The following POU2F2 variants were observed in gnomAD, a reference collection of about 807,000 sequenced individuals.
The protein encoded by POU2F2 is POU class 2 homeobox 2.
Under a neutral mutation model 63.5 loss-of-function variants are expected in POU2F2, and 14 were observed. That is an observed-to-expected ratio of 0.22 (90% CI 0.15 to 0.34). The LOEUF (loss-of-function observed/expected upper bound fraction) is 0.34. POU2F2 is among the 10% of genes least tolerant of loss of function. The pLI is 1.00. For synonymous variants in POU2F2, 306 were observed against 348.6 expected, an observed-to-expected ratio of 0.88 and a Z score of 1.36; for missense variants, 607 against 815.2, an observed-to-expected ratio of 0.74 and a Z score of 3.11.
At position 42,096,965 on chromosome 19, in the gene POU2F2, T is replaced by A. The variant is rs2076943532; in HGVS notation, c.568-722A>T. ...CTAAAACAGCTCTTAAGAAATTAAGTCCTAAGCAATGAGTAGATTGCAAAT... is the reference window on the plus strand; with the variant it reads ...CTAAAACAGCTCTTAAGAAATTAAGACCTAAGCAATGAGTAGATTGCAAAT... On this transcript the variant is annotated intron_variant, in intron 7 of 14. Coordinates refer to ENST00000692977, the MANE Select transcript of POU2F2 (RefSeq NM_001394376.1). The surrounding 1 kb of genome is among the most constrained non-coding windows in gnomAD (Gnocchi z 4.1). Among the ~76,000 whole-genome samples, 1 of 150,966 alleles carries A rather than the reference T, an allele frequency of 6.6e-6. No homozygotes were observed. Among genetic ancestry groups the A allele is most frequent in the African/African-American group, 2.4e-5 (1 of 40,948 alleles).
intron 1 of POU2F2, among the ~76,000 whole-genome samples, chr19:42,164,953 C>CA (rs34319750): frequency 0.034 from 4,143 of 120,252 alleles, 60 homozygotes; most frequent in Non-Finnish European, 0.049. Context: ...CAGGCTATCT[C>CA]AAAAAAAAAA....
At chr19:42,195,055 G>GAGGA (rs2035121181) in intron 1 of POU2F2, among the ~76,000 whole-genome samples, 1 of 24,832 alleles carries the variant, frequency 4.0e-5, no homozygotes, top group Non-Finnish European at 7.8e-5. Context: ...GGAAGGAAGG[G>GAGGA]AGGGAGGGAG....
At chr19:42,136,755 C>T (rs1001333101), upstream of POU2F2, 1 of 152,374 alleles carries the variant, frequency 6.6e-6, no homozygotes, top group Non-Finnish European at 1.5e-5. Flanking sequence ...CAGCAACAGC[C>T]AGCCACTCCT....
At chr19:42,132,360 T>C in intron 1 of POU2F2, 24 bp downstream of exon 1, 2 of 1,579,278 alleles carry the variant, frequency 1.3e-6, no homozygotes, top group Non-Finnish European at 8.6e-7. Flanking sequence ...CTCTGAGCAG[T>C]GGCACAGGCA....
At chr19:42,107,436 C>T (rs959938990) in intron 5 of POU2F2, among the ~76,000 whole-genome samples, 4 of 151,508 alleles carry the variant, frequency 2.6e-5, no homozygotes, top group African/African-American at 9.7e-5. Flanking sequence ...TTATGGGTTT[C>T]TTTATTAGCA....
chr19:42,135,859 C>G (rs962717087), upstream of POU2F2, among the ~76,000 whole-genome samples: 2 of 152,024 alleles, frequency 1.3e-5, no homozygotes, highest in African/African-American at 4.8e-5. Context: ...TACAGGTGCA[C>G]ACCACCAGGC....
At position 42,092,170 on chromosome 19, in the gene POU2F2, G is replaced by A. The variant is rs749191170; in HGVS notation, c.1365C>T (p.Pro455=). 2.5e-6 allele frequency: 4 copies of A among 1,581,510 alleles called. No individual in the cohort carries two copies. The Admixed American group carries it at 5.6e-5, about 22-fold the overall frequency. Residue 455 remains proline (P), a synonymous_variant, in exon 13 of 15, where the codon CCC becomes CCT. Transcript: ENST00000692977. The surrounding 1 kb of genome is among the most constrained non-coding windows in gnomAD (Gnocchi z 5.0). The stretch of plus-strand genomic sequence containing the variant: ...TGGCCGGGGGTGGGGGAGTGACAGA[G>A]GGGATGGAATTGAGGGGGGGCGCAG... ...GGAAPPLNSI[P]SVTPPPPATT...
chr19:42,159,140 G>A (rs892775930), intron 2 of POU2F2, among the ~76,000 whole-genome samples: 1 of 152,156 alleles, frequency 6.6e-6, no homozygotes, highest in Non-Finnish European at 1.5e-5. Context: ...TTTGGACCAC[G>A]AGGAGATTTT....
chr19:42,128,131 G>A (rs1317510438), intron 1 of POU2F2, among the ~76,000 whole-genome samples: 1 of 152,202 alleles, frequency 6.6e-6, no homozygotes, highest in East Asian at 1.9e-4. Flanking sequence ...ATCCTGGGCA[G>A]AGACCTCCAC....
rs771128774 is a variant in POU2F2 at position 42,117,501 on chromosome 19, G to A, written c.187-69C>T. 1 of 700,582 alleles carries A rather than the reference G, an allele frequency of 1.4e-6. No individual in the cohort carries two copies. The allele number at this position is 700,582 out of a possible 1,614,324, so 43.4% of individuals were successfully genotyped here. A position where few individuals can be genotyped will look rare whatever the true frequency, so the allele number is the denominator to read the frequency against. On this transcript the variant is annotated intron_variant, in intron 4 of 14. Transcript: ENST00000692977. The surrounding 1 kb of genome is among the most constrained non-coding windows in gnomAD (Gnocchi z 4.4). ...GCTGGCACAGGAGGAGCAGACTGGG[G>A]TGTGGACATGAGGGTGCAGTCTGTG...
Position 42,096,002 on chromosome 19 carries a change from C to A in POU2F2, c.730-73G>T. The A allele has an allele frequency of 6.3e-7, 1 of 1,594,820 alleles. No individual in the cohort carries two copies. The highest frequency in any genetic ancestry group is 1.1e-5 in the South Asian group (1 of 89,010). On this transcript the variant is annotated intron_variant, in intron 8 of 14. Coordinates refer to ENST00000692977, the MANE Select transcript of POU2F2 (RefSeq NM_001394376.1). This position sits in a 1 kb window ranked among gnomAD's most constrained non-coding sequence, Gnocchi z 4.1. ...CGGCACTGGGCCCGCTCCGCCCGCC[C>A]ACTGGCCACGCCCCTCGCGGCATCT...
chr19:42,192,612 C>A (rs2035086328), intron 1 of POU2F2, among the ~76,000 whole-genome samples: 1 of 152,128 alleles, frequency 6.6e-6, no homozygotes, highest in African/African-American at 2.4e-5. Context: ...ACCTCTTATT[C>A]AATTTAAACA....
At chr19:42,124,670 C>T (rs1232213286) in intron 1 of POU2F2, among the ~76,000 whole-genome samples, 3 of 152,290 alleles carry the variant, frequency 2.0e-5, no homozygotes, top group Non-Finnish European at 2.9e-5. Context: ...CCTAAGGGGC[C>T]GTCAACAGGT....
Position 42,093,757 on chromosome 19 carries a change from C to A in POU2F2, c.1264+72G>T, listed in dbSNP as rs775368980. 2.6e-5 allele frequency: 39 copies of A among 1,496,754 alleles called. No homozygotes were observed. In the Middle Eastern group the frequency reaches 5.2e-4, roughly 20 times the overall value. 92.7% of individuals were successfully genotyped at this position (1,496,754 alleles called of 1,614,324 possible). ...TGAGGCCCATGGACACCCAGAGCCA[C>A]TTGGGAACCTCAGGCTCCAGCCTGT... On this transcript the variant is annotated intron_variant, in intron 12 of 14. Transcript: ENST00000692977.
intron 7 of POU2F2, among the ~76,000 whole-genome samples, chr19:42,098,087 T>C (rs549137415): frequency 3.3e-5 from 5 of 152,246 alleles, no homozygotes; most frequent in African/African-American, 9.6e-5. Flanking sequence ...ACTATAGGCA[T>C]GCACCACCGT....
In POU2F2 at chr19:42,092,794, A is replaced by G. The variant is rs1427855689; in HGVS notation, c.1265-524T>C. On this transcript the variant is annotated intron_variant, in intron 12 of 14. Transcript: ENST00000692977. The surrounding 1 kb of genome is among the most constrained non-coding windows in gnomAD (Gnocchi z 5.0). ...GAAAATGGGGATAATAATAGACCCTATCTCATAAAATGAGTTTGAGAATTA... is the reference window on the plus strand; with the variant it reads ...GAAAATGGGGATAATAATAGACCCTGTCTCATAAAATGAGTTTGAGAATTA... 6.6e-6 allele frequency among the ~76,000 whole-genome samples: 1 copy of G among 152,084 alleles called. No homozygotes were observed. Among genetic ancestry groups the G allele is most frequent in the Non-Finnish European group, 1.5e-5 (1 of 68,004 alleles).
intron 2 of POU2F2, among the ~76,000 whole-genome samples, chr19:42,148,073 C>A (rs1183910104): frequency 6.6e-6 from 1 of 151,856 alleles, no homozygotes; most frequent in Non-Finnish European, 1.5e-5. Context: ...CTCTTGCCCC[C>A]CTCTTCATCC....
At chr19:42,138,867 G>A (rs1316081290) in intron 2 of POU2F2, among the ~76,000 whole-genome samples, 1 of 152,164 alleles carries the variant, frequency 6.6e-6, no homozygotes, top group Non-Finnish European at 1.5e-5. Context: ...AGCAAGGTCT[G>A]TGGACCAGAA....
chr19:42,121,330 G>C (rs1036548194), intron 4 of POU2F2, among the ~76,000 whole-genome samples: 2 of 152,130 alleles, frequency 1.3e-5, no homozygotes, highest in Non-Finnish European at 2.9e-5. Context: ...TGGTAGCATG[G>C]GGGTACACCA....
Sources: gnomAD v4.1 joint callset for allele counts (sites outside exome capture counted in the v4.1 genomes callset) on GRCh38, gnomAD v4.1.1 for gene constraint, Gnocchi (gnomAD v3.1) non-coding constraint, MANE v1.5 for transcripts, NCBI Gene and HGNC (gene_info 2026-07-23, HGNC 2026-07-21) for gene names.